PHYHIPL: variants seen among roughly 807,000 people sequenced by gnomAD.
The protein encoded by PHYHIPL is phytanoyl-CoA 2-hydroxylase interacting protein like.
In PHYHIPL, 9 loss-of-function variants were observed where a neutral mutation model predicts 33.4. That is an observed-to-expected ratio of 0.27 (90% CI 0.16 to 0.47). The LOEUF (loss-of-function observed/expected upper bound fraction) is 0.47. Among genes scored for constraint, PHYHIPL ranks in the 20% least tolerant of loss-of-function variants. The probability of loss-of-function intolerance (pLI) is 0.99; values close to 1 mark genes in which losing one functional copy is unlikely to be tolerated. For missense variants in PHYHIPL, 365 were observed against 460.7 expected (o/e 0.79, Z 1.90); for synonymous variants, 153 against 154.1 (o/e 0.99, Z 0.05).
rs2133329942 is a variant in PHYHIPL at position 59,247,613 on chromosome 10, C to T, written c.*2022C>T. 1 of 1,613,038 alleles carries T rather than the reference C, an allele frequency of 6.2e-7. No individual in the cohort carries two copies. The highest frequency in any genetic ancestry group is 1.7e-5 in the Admixed American group (1 of 59,946). On this transcript the variant is annotated 3_prime_UTR_variant, in exon 5 of 5. Coordinates refer to ENST00000373880, the MANE Select transcript of PHYHIPL (RefSeq NM_032439.4). ...AAAGTGATCATAACATTTCCTGAACCTCAAATAGTTTTGGCCACATCTTGC... is the reference window on the plus strand; with the variant it reads ...AAAGTGATCATAACATTTCCTGAACTTCAAATAGTTTTGGCCACATCTTGC...
chr10:59,176,738 C>G lies in PHYHIPL; in HGVS notation c.-116C>G, dbSNP rs868773529. 6.3e-6 allele frequency: 6 copies of G among 950,900 alleles called. 1 individual carries two copies. In the Middle Eastern group the frequency reaches 1.3e-3, roughly 204 times the overall value. The allele number at this position is 950,900 out of a possible 1,614,324, so 58.9% of individuals were successfully genotyped here. On this transcript the variant is annotated 5_prime_UTR_variant, in exon 1 of 5. Coordinates refer to ENST00000373880, the MANE Select transcript of PHYHIPL (RefSeq NM_032439.4). ...AGCCTCGGCGCCGCATCACCGCGTC[C>G]CAGGCCTCCTTCCCTCCCTCTGCCA... is the stretch of plus-strand genomic sequence containing the variant.
upstream of PHYHIPL, chr10:59,176,597 G>A (rs1177748109): frequency 3.1e-6 from 1 of 320,034 alleles, no homozygotes; most frequent in Non-Finnish European, 5.7e-6. Context: ...CTCCCCGCCG[G>A]GAGCGCGCGC....
At chr10:59,196,415 AT>A (rs59368905) in intron 1 of PHYHIPL, among the ~76,000 whole-genome samples, 8,276 of 136,474 alleles carry the variant, frequency 0.061, 522 homozygotes, top group African/African-American at 0.18. Context: ...CACTGTCAAC[AT>A]TTTTTTTTTT....
rs778292956 is a variant in PHYHIPL at position 59,194,080 on chromosome 10, GT to G, written c.106+17142del. Among the ~76,000 whole-genome samples, 988 of 111,382 alleles carry G rather than the reference GT, an allele frequency of 8.9e-3. 4 individuals are homozygous for G. The highest frequency in any genetic ancestry group is 0.024 in the South Asian group (79 of 3,346). 73.1% of individuals were successfully genotyped at this position (111,382 alleles called of 152,430 possible). ...TGTAGAAGTATTTCTTTACCTATAT[GT>G]TTTTTTTTTTTTTTTTTTTTGAGGC... On this transcript the variant is annotated intron_variant, in intron 1 of 4. Transcript: ENST00000373880.
intron 2 of PHYHIPL, among the ~76,000 whole-genome samples, chr10:59,236,037 T>C (rs1240367862): frequency 6.6e-6 from 1 of 151,874 alleles, no homozygotes; most frequent in Non-Finnish European, 1.5e-5. Flanking sequence ...TGTCATTTAG[T>C]ATGAGAATGT....
At chr10:59,229,996 C>T (rs181701928) in intron 1 of PHYHIPL, among the ~76,000 whole-genome samples, 4 of 152,134 alleles carry the variant, frequency 2.6e-5, no homozygotes, top group Non-Finnish European at 4.4e-5. Flanking sequence ...TTTACTGATA[C>T]ATAGAAATTC....
At chr10:59,174,744 A>G (rs1001926839), upstream of PHYHIPL, among the ~76,000 whole-genome samples, 2 of 152,176 alleles carry the variant, frequency 1.3e-5, no homozygotes, top group African/African-American at 4.8e-5. Context: ...AGATAAAATC[A>G]TTTTGGAGAT....
At chr10:59,180,718 TA>T (rs1347735293) in intron 1 of PHYHIPL, among the ~76,000 whole-genome samples, 1 of 152,170 alleles carries the variant, frequency 6.6e-6, no homozygotes, top group Non-Finnish European at 1.5e-5. Flanking sequence ...TTTAAAAAGA[TA>T]AATTTCTTTG....
chr10:59,175,887 C>T (rs190049532), upstream of PHYHIPL, among the ~76,000 whole-genome samples: 1 of 152,352 alleles, frequency 6.6e-6, no homozygotes, highest in Non-Finnish European at 1.5e-5. Context: ...TGAAGCTACG[C>T]TGCGAAGGCA....
At chr10:59,195,455 G>A (rs1838886679) in intron 1 of PHYHIPL, among the ~76,000 whole-genome samples, 1 of 152,176 alleles carries the variant, frequency 6.6e-6, no homozygotes, top group Non-Finnish European at 1.5e-5. Context: ...ATAATTGGAA[G>A]ACAAACGCGT....
chr10:59,237,970 C>G (rs138449703), intron 3 of PHYHIPL, among the ~76,000 whole-genome samples: 112 of 151,974 alleles, frequency 7.4e-4, no homozygotes, highest in African/African-American at 2.5e-3. Flanking sequence ...AGTAAACAAA[C>G]TATGTTGCCA....
chr10:59,221,732 T>A (rs1839782808), intron 1 of PHYHIPL: 14 of 970,274 alleles, frequency 1.4e-5, no homozygotes, highest in Non-Finnish European at 1.7e-5. Flanking sequence ...TTTCCTGGCT[T>A]CTCATAAAAG....
intron 1 of PHYHIPL, among the ~76,000 whole-genome samples, chr10:59,200,333 G>C (rs192362948): frequency 6.6e-6 from 1 of 152,080 alleles, no homozygotes; most frequent in Non-Finnish European, 1.5e-5. Flanking sequence ...TTTTATCTTT[G>C]GTCCTGTTTA....
intron 1 of PHYHIPL, among the ~76,000 whole-genome samples, chr10:59,181,359 C>T (rs987243269): frequency 6.6e-6 from 1 of 151,304 alleles, no homozygotes; most frequent in Non-Finnish European, 1.5e-5. Context: ...TTACTATAAT[C>T]TGTAAATTCT....
At chr10:59,227,895 T>C (rs187842738) in intron 1 of PHYHIPL, among the ~76,000 whole-genome samples, 1 of 151,824 alleles carries the variant, frequency 6.6e-6, no homozygotes, top group Admixed American at 6.6e-5. Flanking sequence ...AGCTAACTTT[T>C]GTGTAAAATG....
At position 59,247,662 on chromosome 10, in the gene PHYHIPL, T is replaced by C. The variant is rs1465604031; in HGVS notation, c.*2071T>C. The C allele has an allele frequency of 1.2e-6, 2 of 1,613,438 alleles. No homozygotes were observed. Among genetic ancestry groups the C allele is most frequent in the African/African-American group, 1.3e-5 (1 of 74,902 alleles). ...GCTTGCTGATGAGGACCTCTAATAG[T>C]CTCAGTTTGGCTTTTATGTGCTTAT... is the stretch of plus-strand genomic sequence containing the variant. On this transcript the variant is annotated 3_prime_UTR_variant, in exon 5 of 5. Transcript: ENST00000373880.
At chr10:59,178,821 T>C (rs947029719) in intron 1 of PHYHIPL, among the ~76,000 whole-genome samples, 96 of 152,294 alleles carry the variant, frequency 6.3e-4, no homozygotes, top group African/African-American at 2.3e-3. Context: ...TATTATTTTT[T>C]AGTTGTTTCT....
chr10:59,232,617 T>G (rs897031868), intron 1 of PHYHIPL, among the ~76,000 whole-genome samples: 11 of 151,980 alleles, frequency 7.2e-5, no homozygotes, highest in Non-Finnish European at 1.2e-4. Context: ...GAAGTTGTGT[T>G]TCCATTAAAT....
chr10:59,185,277 A>G (rs896079372), intron 1 of PHYHIPL, among the ~76,000 whole-genome samples: 3 of 152,168 alleles, frequency 2.0e-5, no homozygotes, highest in Non-Finnish European at 4.4e-5. Flanking sequence ...GGCATGAGCC[A>G]CCGCGCCCGG....
Sources: allele counts gnomAD v4.1 joint callset (sites outside exome capture counted in the v4.1 genomes callset), GRCh38; gene constraint gnomAD v4.1.1; transcripts MANE v1.5; gene names NCBI Gene and HGNC (gene_info 2026-07-23, HGNC 2026-07-21).